The following PTGS1 variants were observed in gnomAD, a reference collection of about 807,000 sequenced individuals.
PTGS1 encodes the protein prostaglandin-endoperoxide synthase 1.
A neutral mutation model predicts 63.0 loss-of-function variants in PTGS1; 40 were observed. The observed-to-expected ratio is 0.63, with a 90% CI of 0.49 to 0.83. The LOEUF (loss-of-function observed/expected upper bound fraction) is 0.83. Among genes scored for constraint, PTGS1 ranks in the 40% least tolerant of loss-of-function variants. The probability of loss-of-function intolerance (pLI) is 0.00; values close to 1 mark genes in which losing one functional copy is unlikely to be tolerated. For missense variants in PTGS1, 709 were observed against 786.5 expected, an observed-to-expected ratio of 0.90 and a Z score of 1.18; for synonymous variants, 298 against 301.9, an observed-to-expected ratio of 0.99 and a Z score of 0.13.
At chr9:122,383,380 T>C (rs963721963) in intron 7 of PTGS1, 129 bp from the exon 8 acceptor site, 1 of 1,266,540 alleles carries the variant, frequency 7.9e-7, no homozygotes, top group South Asian at 1.5e-5. Flanking sequence ...TTAAGAGACA[T>C]TTTGGAGGTG....
Position 122,394,688 on chromosome 9 carries a change from C to T in PTGS1, c.*2144C>T, listed in dbSNP as rs1234990408. The T allele has an allele frequency of 6.6e-6, 1 of 152,174 alleles. No homozygotes were observed. The highest frequency in any genetic ancestry group is 1.5e-5 in the Non-Finnish European group (1 of 68,068). The allele number at this position is 152,174 out of a possible 1,614,324, so 9.4% of individuals were successfully genotyped here. A position where few individuals can be genotyped will look rare whatever the true frequency, so the allele number is the denominator to read the frequency against. On this transcript the variant is annotated 3_prime_UTR_variant, in exon 11 of 11. Coordinates refer to ENST00000362012, the MANE Select transcript of PTGS1 (RefSeq NM_000962.4). Reference sequence around the variant, plus strand: ...GGCCTGTGAATCAATCCTGGGCAATCAGACACCCTCTCCTTAAAAACTGGC... The same window carrying T: ...GGCCTGTGAATCAATCCTGGGCAATTAGACACCCTCTCCTTAAAAACTGGC...
chr9:122,377,493 G>A (rs1005660660), intron 2 of PTGS1, among the ~76,000 whole-genome samples: 5 of 149,418 alleles, frequency 3.3e-5, no homozygotes, highest in South Asian at 2.2e-4. Context: ...GCCCCGGCCT[G>A]CTCTTGCTAC....
At position 122,383,550 on chromosome 9, in the gene PTGS1, G is replaced by T. The variant is rs201043631; in HGVS notation, c.804G>T (p.Ala268=). ...GEMYPPSVEE[A]PVLMHYPRGI... Reference sequence around the variant, plus strand: ...TGTACCCGCCCTCGGTAGAAGAGGCGCCTGTGTTGATGCACTACCCCCGAG... The same window carrying T: ...TGTACCCGCCCTCGGTAGAAGAGGCTCCTGTGTTGATGCACTACCCCCGAG... The change falls in exon 8 of 11, where the codon GCG becomes GCT. Residue 268 remains alanine, a synonymous_variant. Transcript: ENST00000362012. 1.2e-6 allele frequency: 2 copies of T among 1,613,832 alleles called. No individual in the cohort carries two copies. The highest frequency in any genetic ancestry group is 1.7e-6 in the Non-Finnish European group (2 of 1,179,776).
intron 10 of PTGS1, among the ~76,000 whole-genome samples, chr9:122,391,203 C>T (rs532985024): frequency 1.3e-5 from 2 of 148,204 alleles, no homozygotes; most frequent in South Asian, 2.1e-4. Context: ...CAAGAATCTG[C>T]GTATTCATAT....
upstream of PTGS1, chr9:122,370,945 A>C: frequency 4.4e-6 from 6 of 1,362,458 alleles, 1 homozygote; most frequent in South Asian, 7.9e-5. Context: ...GTAAGCGGGC[A>C]GCCGAGGTGA....
At chr9:122,374,912 C>A (rs1837029607) in intron 2 of PTGS1, among the ~76,000 whole-genome samples, 1 of 152,180 alleles carries the variant, frequency 6.6e-6, no homozygotes, top group South Asian at 2.1e-4. Flanking sequence ...TCTGGGCAAG[C>A]CTCCTGCTTT....
chr9:122,372,503 G>T (rs111645381), intron 2 of PTGS1: 4 of 152,258 alleles, frequency 2.6e-5, no homozygotes, highest in African/African-American at 9.7e-5. Flanking sequence ...AGAGAGATGC[G>T]TTAGACCCAG....
chr9:122,387,793 C>T (rs1378639385), intron 9 of PTGS1, among the ~76,000 whole-genome samples: 1 of 152,254 alleles, frequency 6.6e-6, no homozygotes, highest in Non-Finnish European at 1.5e-5. Context: ...TCCCAGCCAA[C>T]GCCTTCCTCA....
intron 9 of PTGS1, among the ~76,000 whole-genome samples, chr9:122,388,963 C>T (rs1838039576): frequency 6.6e-6 from 1 of 152,104 alleles, no homozygotes; most frequent in Non-Finnish European, 1.5e-5. Context: ...GAACACAATT[C>T]AACCCTCAAC....
intron 8 of PTGS1, among the ~76,000 whole-genome samples, chr9:122,385,192 A>C (rs1222277257): frequency 2.0e-5 from 3 of 152,174 alleles, no homozygotes; most frequent in Non-Finnish European, 4.4e-5. Context: ...TGCTGACCTC[A>C]GGTGATCCAC....
intron 8 of PTGS1, among the ~76,000 whole-genome samples, chr9:122,386,037 C>T (rs1177398216): frequency 1.3e-5 from 2 of 151,736 alleles, no homozygotes; most frequent in African/African-American, 4.8e-5. Context: ...CTCACACTTG[C>T]AATTCCAGGG....
chr9:122,389,195 G>T (rs1248723228), intron 9 of PTGS1, among the ~76,000 whole-genome samples: 21 of 145,696 alleles, frequency 1.4e-4, no homozygotes, highest in Non-Finnish European at 2.4e-4. Flanking sequence ...CTCTTGCCTG[G>T]GCTGGAGTGC....
At chr9:122,371,404 A>G in intron 2 of PTGS1, 132 bp downstream of exon 2, 2 of 1,431,518 alleles carry the variant, frequency 1.4e-6, no homozygotes, top group Non-Finnish European at 1.9e-6. Context: ...ACTGAGGCTG[A>G]GTCTTTTGGT....
chr9:122,391,046 T>C (rs1478054418), intron 10 of PTGS1, among the ~76,000 whole-genome samples: 1 of 151,508 alleles, frequency 6.6e-6, no homozygotes, highest in African/African-American at 2.4e-5. Flanking sequence ...GTTTTCATAC[T>C]AAATATTTTG....
chr9:122,371,249 C>A lies in PTGS1; in HGVS notation c.71C>A (p.Ala24Glu), dbSNP rs779101761. Residue 24 changes from alanine to glutamate, a missense_variant, in exon 2 of 11, where the codon GCG becomes GAG. Transcript: ENST00000362012. The part of the protein sequence containing the change: ...LLLPPLPVLL[A>E]DPGAPTPVNP... ...CTCCCGCCGCTCCCCGTCCTGCTCGCGGACCCAGGGGCGCCCACGCCAGGT... is the reference window on the plus strand; with the variant it reads ...CTCCCGCCGCTCCCCGTCCTGCTCGAGGACCCAGGGGCGCCCACGCCAGGT... 13 of 1,606,644 alleles carry A rather than the reference C, an allele frequency of 8.1e-6. No homozygotes were observed. Among genetic ancestry groups the A allele is most frequent in the Non-Finnish European group, 1.1e-5 (13 of 1,179,920 alleles).
chr9:122,379,297 C>G (rs990599799), intron 5 of PTGS1, among the ~76,000 whole-genome samples: 1 of 152,148 alleles, frequency 6.6e-6, no homozygotes, highest in Admixed American at 6.5e-5. Flanking sequence ...ACATGCTTCA[C>G]CAGTGTAAGG....
rs1355711160 is a variant in PTGS1 at position 122,378,795 on chromosome 9, A to T, written c.373A>T (p.Ser125Cys). ...TGCAGTGCGCTCCAACCTTATCCCC[A>T]GTCCCCCCACCTACAACTCAGCACA... is the stretch of plus-strand genomic sequence containing the variant. Reference protein sequence around the residue: ...VLTVRSNLIPSPPTYNSAHDY... With the variant: ...VLTVRSNLIPCPPTYNSAHDY... The change falls in exon 5 of 11, where the codon AGT becomes TGT. Residue 125 changes from serine to cysteine, a missense_variant. Coordinates refer to ENST00000362012, the MANE Select transcript of PTGS1 (RefSeq NM_000962.4). 1 of 1,614,232 alleles carries T rather than the reference A, an allele frequency of 6.2e-7. No homozygotes were observed. The highest frequency in any genetic ancestry group is 1.7e-5 in the Admixed American group (1 of 60,032).
chr9:122,381,486 C>T lies in PTGS1; in HGVS notation c.612C>T (p.Phe204=). Residue 204 remains phenylalanine (F), a synonymous_variant, in exon 6 of 11, where the codon TTC becomes TTT. Transcript: ENST00000362012. The part of the protein sequence containing the change: ...NLMFAFFAQH[F]THQFFKTSGK... The stretch of plus-strand genomic sequence containing the variant: ...TGTTTGCCTTCTTTGCACAACACTT[C>T]ACCCACCAGTTCTTCAAAACTTCTG... 1 of 1,614,240 alleles carries T rather than the reference C, an allele frequency of 6.2e-7. No homozygotes were observed.
intron 2 of PTGS1, among the ~76,000 whole-genome samples, chr9:122,376,336 G>C (rs1036907281): frequency 2.7e-5 from 4 of 147,890 alleles, no homozygotes; most frequent in African/African-American, 1.0e-4. Flanking sequence ...GATTCTTGTG[G>C]TCCTTGCTTG....
Sources: gnomAD v4.1 joint callset for allele counts (sites outside exome capture counted in the v4.1 genomes callset) on GRCh38, gnomAD v4.1.1 for gene constraint, MANE v1.5 for transcripts, NCBI Gene and HGNC (gene_info 2026-07-23, HGNC 2026-07-21) for gene names.